Variants in PTPRO observed in about 807,000 individuals in gnomAD.
PTPRO encodes protein tyrosine phosphatase receptor type O, also known as receptor-type tyrosine-protein phosphatase O.
In PTPRO, 62 loss-of-function variants were observed where a neutral mutation model predicts 145.2. That is an observed-to-expected ratio of 0.43 (90% confidence interval 0.35 to 0.53). PTPRO has a LOEUF of 0.53. Among genes scored for constraint, PTPRO ranks in the 20% least tolerant of loss-of-function variants. PTPRO has a pLI of 0.01. For missense variants in PTPRO, 1,345 were observed against 1,482.7 expected (o/e 0.91, Z 1.53); for synonymous variants, 565 against 514.7 (o/e 1.10, Z -1.32).
intron 1 of PTPRO, among the ~76,000 whole-genome samples, chr12:15,375,610 G>A (rs1180123219): frequency 2.0e-5 from 3 of 151,798 alleles, no homozygotes; most frequent in African/African-American, 7.3e-5. Context: ...ACAAAAATTA[G>A]CCAGGCACGG....
chr12:15,474,315 T>A (rs1314423407), intron 1 of PTPRO, among the ~76,000 whole-genome samples: 1 of 152,170 alleles, frequency 6.6e-6, no homozygotes, highest in Non-Finnish European at 1.5e-5. Flanking sequence ...TCCTCTTTAG[T>A]GCCACCCACT....
intron 1 of PTPRO, among the ~76,000 whole-genome samples, chr12:15,379,822 G>T (rs1938804494): frequency 6.6e-6 from 1 of 151,934 alleles, no homozygotes; most frequent in Non-Finnish European, 1.5e-5. Flanking sequence ...TTCTTTTTGG[G>T]GTGATGAAAA....
At chr12:15,590,220 GAA>G (rs988510777) in intron 25 of PTPRO, among the ~76,000 whole-genome samples, 1 of 152,124 alleles carries the variant, frequency 6.6e-6, no homozygotes, top group Non-Finnish European at 1.5e-5. Flanking sequence ...CTCCCTCCCT[GAA>G]AGCCTGAGGA....
At chr12:15,469,768 C>CA (rs3085503) in intron 1 of PTPRO, among the ~76,000 whole-genome samples, 17,178 of 110,052 alleles carry the variant, frequency 0.16, 1,680 homozygotes, top group African/African-American at 0.27. Flanking sequence ...AGTGTCCTGA[C>CA]AAAAAAAAAA....
intron 1 of PTPRO, among the ~76,000 whole-genome samples, chr12:15,382,490 T>C (rs1377206053): frequency 6.6e-6 from 1 of 152,180 alleles, no homozygotes; most frequent in Non-Finnish European, 1.5e-5. Context: ...GCACAGGCTG[T>C]GGAGACAGAA....
At chr12:15,586,790 G>A in intron 23 of PTPRO, 107 bp from the exon 24 acceptor site, 4 of 1,234,420 alleles carry the variant, frequency 3.2e-6, no homozygotes, top group Non-Finnish European at 4.8e-6. Context: ...TACTGACCAG[G>A]AGTGGAACGT....
In PTPRO at chr12:15,580,831, G is replaced by C; in HGVS notation, c.3132G>C (p.Arg1044Ser). 6.2e-7 allele frequency: 1 copy of C among 1,613,750 alleles called. No homozygotes were observed. The stretch of plus-strand genomic sequence containing the variant: ...TCACTCAGTGTAATGAGAAAAGGAG[G>C]GTACGTACTTACTGAAACTGCTCCC... ...VMLTQCNEKR[R>S]VKCDHYWPFT... Residue 1044 changes from arginine to serine, a missense_variant and splice_region_variant, in exon 22 of 27, where the codon AGG becomes AGC. Coordinates refer to ENST00000281171, the MANE Select transcript of PTPRO (RefSeq NM_030667.3).
chr12:15,375,262 A>C (rs575643879), intron 1 of PTPRO, among the ~76,000 whole-genome samples: 51 of 152,340 alleles, frequency 3.3e-4, no homozygotes, highest in African/African-American at 1.2e-3. Flanking sequence ...TCCAATTTTT[A>C]AGAGAAAAAT....
chr12:15,548,408 C>T (rs1340764027), intron 13 of PTPRO, among the ~76,000 whole-genome samples: 2 of 151,974 alleles, frequency 1.3e-5, no homozygotes, highest in Non-Finnish European at 1.5e-5. Context: ...CACTTTTTGA[C>T]TCAGCAGTTC....
chr12:15,596,833 G>T lies in PTPRO; in HGVS notation c.*760G>T, dbSNP rs994310036. On this transcript the variant is annotated 3_prime_UTR_variant, in exon 27 of 27. Coordinates refer to ENST00000281171, the MANE Select transcript of PTPRO (RefSeq NM_030667.3). ...TTGGCCCTTTTGGACTAATGTTACT[G>T]TCCAAGTTCTTTCTCAAGAAACCAC... 1.3e-5 allele frequency: 2 copies of T among 152,522 alleles called. No homozygotes were observed. Among genetic ancestry groups the T allele is most frequent in the African/African-American group, 4.8e-5 (2 of 41,372 alleles). 9.4% of individuals were successfully genotyped at this position (152,522 alleles called of 1,614,324 possible).
chr12:15,357,073 C>T (rs1014701673), intron 1 of PTPRO, among the ~76,000 whole-genome samples: 1 of 152,180 alleles, frequency 6.6e-6, no homozygotes, highest in African/African-American at 2.4e-5. Flanking sequence ...TGGCTTAGAG[C>T]AGGGTATAAA....
chr12:15,403,967 G>A (rs1449964669), intron 1 of PTPRO, among the ~76,000 whole-genome samples: 1 of 151,952 alleles, frequency 6.6e-6, no homozygotes, highest in Non-Finnish European at 1.5e-5. Flanking sequence ...GGAGGCCAAG[G>A]CGGGCAGATC....
At chr12:15,329,089 T>C (rs1259673317) in intron 1 of PTPRO, among the ~76,000 whole-genome samples, 1 of 152,254 alleles carries the variant, frequency 6.6e-6, no homozygotes, top group Non-Finnish European at 1.5e-5. Context: ...CAGTGATTTA[T>C]ATAACGGGTG....
intron 1 of PTPRO, among the ~76,000 whole-genome samples, chr12:15,410,959 T>G (rs1939782584): frequency 6.6e-6 from 1 of 152,176 alleles, no homozygotes; most frequent in Non-Finnish European, 1.5e-5. Context: ...AGAAAACACA[T>G]GGACAATTAT....
intron 19 of PTPRO, among the ~76,000 whole-genome samples, chr12:15,575,535 T>C (rs1944164048): frequency 6.6e-6 from 1 of 152,206 alleles, no homozygotes; most frequent in South Asian, 2.1e-4. Context: ...CTCTATGGTG[T>C]TTTGTTATGG....
chr12:15,543,297 A>T (rs565449898), intron 12 of PTPRO, among the ~76,000 whole-genome samples: 1 of 152,318 alleles, frequency 6.6e-6, no homozygotes, highest in East Asian at 1.9e-4. Flanking sequence ...TGGTTGTTAG[A>T]TGTCCCAGAC....
At chr12:15,398,504 C>T (rs761512398) in intron 1 of PTPRO, among the ~76,000 whole-genome samples, 2 of 151,660 alleles carry the variant, frequency 1.3e-5, no homozygotes, top group African/African-American at 4.8e-5. Flanking sequence ...AACAACTCTC[C>T]GAATCTTGGC....
intron 1 of PTPRO, among the ~76,000 whole-genome samples, chr12:15,465,075 T>C (rs1762182206): frequency 1.3e-5 from 2 of 152,200 alleles, no homozygotes; most frequent in Admixed American, 1.3e-4. Context: ...TAACACCAAA[T>C]AGCACAGCAT....
At chr12:15,525,030 A>G (rs1397854333) in intron 11 of PTPRO, 65 bp downstream of exon 11, 1 of 1,563,286 alleles carries the variant, frequency 6.4e-7, no homozygotes, top group Admixed American at 1.7e-5. Context: ...ATTGAAAACC[A>G]CTAAGCAATC....
Sources: gnomAD v4.1 joint callset for allele counts (sites outside exome capture counted in the v4.1 genomes callset) on GRCh38, gnomAD v4.1.1 for gene constraint, MANE v1.5 for transcripts, NCBI Gene and HGNC (gene_info 2026-07-23, HGNC 2026-07-21) for gene names.